The following SBSPON variants were observed in gnomAD, a reference collection of about 807,000 sequenced individuals.
SBSPON encodes somatomedin-B and thrombospondin type-1 domain-containing protein.
A neutral mutation model predicts 35.8 loss-of-function variants in SBSPON; 30 were observed. The ratio of observed to expected loss-of-function variants is 0.84; its 90% CI spans 0.63 to 1.14. The LOEUF is 1.14. Among genes scored for constraint, SBSPON ranks in the 50% most tolerant of loss-of-function variants. The probability of loss-of-function intolerance (pLI) is 0.00; values close to 1 mark genes in which losing one functional copy is unlikely to be tolerated. For missense variants in SBSPON, 364 were observed against 357.7 expected (o/e 1.02, Z -0.14); for synonymous variants, 136 against 135.9 (o/e 1.00, Z 0.00).
rs1305023913 is a variant in SBSPON at position 73,093,146 on chromosome 8, G to T, written c.-79C>A. ...TGATCCTCGGCTGGCCGCGGCCCGG[G>T]AGCTGCCCGAGCGGCCGGCGAGGCA... On this transcript the variant is annotated 5_prime_UTR_variant, in exon 1 of 5. Coordinates refer to ENST00000297354, the MANE Select transcript of SBSPON (RefSeq NM_153225.4). 1.5e-5 allele frequency: 11 copies of T among 728,494 alleles called. No individual in the cohort carries two copies. The highest frequency in any genetic ancestry group is 2.0e-5 in the Non-Finnish European group (11 of 545,268). The allele number at this position is 728,494 out of a possible 1,614,324, so 45.1% of individuals were successfully genotyped here.
At chr8:73,078,141 A>G (rs77238429) in intron 2 of SBSPON, among the ~76,000 whole-genome samples, 2,276 of 152,270 alleles carry the variant, frequency 0.015, 25 homozygotes, top group East Asian at 0.038. Flanking sequence ...GCTAGAATGC[A>G]GAGTGCTGGG....
At chr8:73,071,703 C>T (rs1185950952) in intron 3 of SBSPON, 77 bp downstream of exon 3, 15 of 819,718 alleles carry the variant, frequency 1.8e-5, no homozygotes, top group Middle Eastern at 2.6e-4. Context: ...AAAACATAAA[C>T]CAAGTTGACC....
intron 2 of SBSPON, among the ~76,000 whole-genome samples, chr8:73,073,402 C>T (rs1176116370): frequency 1.3e-5 from 2 of 152,212 alleles, no homozygotes; most frequent in Admixed American, 1.3e-4. Context: ...AAAATAGATG[C>T]TTGAAGCCTA....
chr8:73,080,957 G>A (rs1239478291), intron 2 of SBSPON, 62 bp downstream of exon 2: 17 of 1,427,572 alleles, frequency 1.2e-5, no homozygotes, highest in Non-Finnish European at 1.6e-5. Context: ...GCCTTTTGTA[G>A]GATGAAGTGG....
In SBSPON at chr8:73,064,811, C is replaced by T. The variant is rs1168389300; in HGVS notation, c.*2530G>A. On this transcript the variant is annotated 3_prime_UTR_variant, in exon 5 of 5. Coordinates refer to ENST00000297354, the MANE Select transcript of SBSPON (RefSeq NM_153225.4). ...CAAAAATGGCCATTATCCCTTGCTT[C>T]TTTTCCCTTCTTTCCTGGTGGCTGT... 2 of 151,960 alleles carry T rather than the reference C, an allele frequency of 1.3e-5. No homozygotes were observed. Among genetic ancestry groups the T allele is most frequent in the East Asian group, 1.9e-4 (1 of 5,188 alleles). The allele number at this position is 151,960 out of a possible 1,614,324, so 9.4% of individuals were successfully genotyped here.
intron 1 of SBSPON, among the ~76,000 whole-genome samples, chr8:73,086,960 C>T (rs1586100441): frequency 1.3e-5 from 2 of 152,190 alleles, no homozygotes; most frequent in East Asian, 3.9e-4. Flanking sequence ...CCATGGATAA[C>T]ATCACCTGGT....
chr8:73,086,899 T>A (rs1316723869), intron 1 of SBSPON, among the ~76,000 whole-genome samples: 1 of 152,214 alleles, frequency 6.6e-6, no homozygotes. Flanking sequence ...GGAAAGAAAA[T>A]CTTTTATAGA....
At chr8:73,090,155 G>T (rs1810904187) in intron 1 of SBSPON, among the ~76,000 whole-genome samples, 1 of 152,236 alleles carries the variant, frequency 6.6e-6, no homozygotes, top group African/African-American at 2.4e-5. Context: ...TGGGATTATA[G>T]GCATGAGTCA....
At chr8:73,082,314 C>T (rs947088240) in intron 1 of SBSPON, among the ~76,000 whole-genome samples, 79 of 152,142 alleles carry the variant, frequency 5.2e-4, no homozygotes, top group Non-Finnish European at 2.1e-4. Context: ...ACCTAGATGC[C>T]AAACATTTTT....
chr8:73,069,906 CATCCAT>C lies in SBSPON; in HGVS notation c.570_575del (p.Trp191_Met192del), dbSNP rs1409390792. 6.2e-7 allele frequency: 1 copy of C among 1,612,362 alleles called. No homozygotes were observed. Among genetic ancestry groups the C allele is most frequent in the Non-Finnish European group, 8.5e-7 (1 of 1,178,498 alleles). The stretch of plus-strand genomic sequence containing the variant: ...CCGTGTATCCCTCTCGGAGATACTG[CATCCAT>C]CTAGTCAAGGGCCAGTTTTCCAGAG... On this transcript the variant is annotated inframe_deletion, in exon 4 of 5. Coordinates refer to ENST00000297354, the MANE Select transcript of SBSPON (RefSeq NM_153225.4).
chr8:73,087,313 G>A (rs1431754729), intron 1 of SBSPON, among the ~76,000 whole-genome samples: 4 of 152,146 alleles, frequency 2.6e-5, no homozygotes, highest in Non-Finnish European at 4.4e-5. Flanking sequence ...TGCTTACCTC[G>A]TATGTAAAAC....
At position 73,081,050 on chromosome 8, in the gene SBSPON, G is replaced by A; in HGVS notation, c.378C>T (p.Thr126=). The change falls in exon 2 of 5, where the codon ACC becomes ACT. Residue 126 remains threonine (T), a synonymous_variant. Coordinates refer to ENST00000297354, the MANE Select transcript of SBSPON (RefSeq NM_153225.4). ...TGTGCCCGCAGTCCTGGCCCTGCGG[G>A]GTGGAGTACTCCAGGCAGCCAGCTC... ...EERAGCLEYS[T]PQGQDCGHTY... The A allele has an allele frequency of 6.2e-7, 1 of 1,610,480 alleles. No individual in the cohort carries two copies. The highest frequency in any genetic ancestry group is 8.5e-7 in the Non-Finnish European group (1 of 1,178,282).
At chr8:73,090,333 T>C (rs1388266764) in intron 1 of SBSPON, among the ~76,000 whole-genome samples, 1 of 152,038 alleles carries the variant, frequency 6.6e-6, no homozygotes, top group Non-Finnish European at 1.5e-5. Flanking sequence ...TTAAAAAAAA[T>C]CACAAATAAA....
chr8:73,085,826 G>A (rs1728971009), intron 1 of SBSPON: 1 of 152,108 alleles, frequency 6.6e-6, no homozygotes, highest in African/African-American at 2.4e-5. Flanking sequence ...TTCGAGGTGA[G>A]GCCTTGTTCT....
At chr8:73,084,227 A>G (rs903918535) in intron 1 of SBSPON, among the ~76,000 whole-genome samples, 2 of 152,236 alleles carry the variant, frequency 1.3e-5, no homozygotes, top group Non-Finnish European at 2.9e-5. Context: ...AGACCTTTCC[A>G]GTTATCAGAG....
intron 1 of SBSPON, among the ~76,000 whole-genome samples, chr8:73,082,301 A>G (rs934316211): frequency 2.6e-5 from 4 of 152,246 alleles, no homozygotes; most frequent in Non-Finnish European, 5.9e-5. Context: ...AGACATGCCC[A>G]TGACCTAGAT....
In SBSPON at chr8:73,066,361, AT is replaced by A. The variant is rs1346223128; in HGVS notation, c.*979del. 10 of 152,026 alleles carry A rather than the reference AT, an allele frequency of 6.6e-5. No individual in the cohort carries two copies. Among genetic ancestry groups the A allele is most frequent in the African/African-American group, 2.4e-4 (10 of 41,394 alleles). 9.4% of individuals were successfully genotyped at this position (152,026 alleles called of 1,614,324 possible). ...ATGCCATTTTGCCTCTAGGTCATTGATTTTCCAATCATAAAATAAGGAGACT... is the reference window on the plus strand; with the variant it reads ...ATGCCATTTTGCCTCTAGGTCATTGATTTCCAATCATAAAATAAGGAGACT... On this transcript the variant is annotated 3_prime_UTR_variant, in exon 5 of 5. Coordinates refer to ENST00000297354, the MANE Select transcript of SBSPON (RefSeq NM_153225.4).
chr8:73,073,323 C>A (rs1264746764), intron 2 of SBSPON, among the ~76,000 whole-genome samples: 1 of 152,204 alleles, frequency 6.6e-6, no homozygotes, highest in Admixed American at 6.5e-5. Context: ...TAGATACAAG[C>A]TGATATCAAC....
At chr8:73,076,468 G>A (rs959129010) in intron 2 of SBSPON, among the ~76,000 whole-genome samples, 8 of 152,046 alleles carry the variant, frequency 5.3e-5, no homozygotes, top group Non-Finnish European at 1.2e-4. Context: ...CCAGCAGGGC[G>A]AAACCCCATC....
Sources: gnomAD v4.1 joint callset for allele counts (sites outside exome capture counted in the v4.1 genomes callset) on GRCh38, gnomAD v4.1.1 for gene constraint, MANE v1.5 for transcripts, NCBI Gene and HGNC (gene_info 2026-07-23, HGNC 2026-07-21) for gene names.